The following TMEM47 variants were observed in gnomAD, a reference collection of about 807,000 sequenced individuals.
TMEM47 encodes brain cell membrane protein 1.
TMEM47 carries 3 observed loss-of-function variants against 12.4 expected under a neutral mutation model. The ratio of observed to expected loss-of-function variants is 0.24; its 90% CI spans 0.11 to 0.63. The LOEUF (loss-of-function observed/expected upper bound fraction) is 0.63, where lower values mean the gene tolerates loss of function less well. Among genes scored for constraint, TMEM47 ranks in the 20% least tolerant of loss-of-function variants. The probability of loss-of-function intolerance (pLI) is 0.86; values close to 1 mark genes in which losing one functional copy is unlikely to be tolerated. For synonymous variants in TMEM47, 62 were observed against 63.3 expected (o/e 0.98, Z 0.10); for missense variants, 89 against 143.8 (o/e 0.62, Z 1.95).
At chrX:34,650,579 T>A (rs932751343) in intron 1 of TMEM47, among the ~76,000 whole-genome samples, 1 of 112,238 alleles carries the variant, frequency 8.9e-6, no homozygotes, top group African/African-American at 3.2e-5. Flanking sequence ...AAAATAACTC[T>A]AACTCCAACA....
rs1922129212 is a variant in TMEM47 at position 34,657,169 on chromosome X, C to A, written c.-140G>T. On this transcript the variant is annotated 5_prime_UTR_variant, in exon 1 of 3. Coordinates refer to ENST00000275954, the MANE Select transcript of TMEM47 (RefSeq NM_031442.4). ...TCGCTCCCTCGGGGCTCTGCGCGCC[C>A]CCTGCCGCGCGGCCAAGGTGGGTCT... The A allele has an allele frequency of 2.1e-6, 2 of 949,624 alleles. No homozygotes were observed. The highest frequency in any genetic ancestry group is 2.7e-6 in the Non-Finnish European group (2 of 753,984). The allele number at this position is 949,624 out of a possible 1,213,427, so 78.3% of individuals were successfully genotyped here.
At chrX:34,646,172 C>G (rs1921907511) in intron 1 of TMEM47, among the ~76,000 whole-genome samples, 1 of 110,943 alleles carries the variant, frequency 9.0e-6, no homozygotes, top group Non-Finnish European at 1.9e-5. Context: ...CATTCAAGAT[C>G]TTGGAGTTGT....
intron 1 of TMEM47, among the ~76,000 whole-genome samples, chrX:34,655,118 C>T (rs1922081579): frequency 9.0e-6 from 1 of 111,350 alleles, no homozygotes; most frequent in Middle Eastern, 4.2e-3. Context: ...ACATTCCTGG[C>T]CAAGAAAAAA....
rs1456658055 is a variant in TMEM47 at position 34,627,743 on chromosome X, G to C, written c.*2570C>G. The C allele has an allele frequency of 9.0e-6, 1 of 111,719 alleles. No individual in the cohort carries two copies. The allele number at this position is 111,719 out of a possible 1,213,427, so 9.2% of individuals were successfully genotyped here. A position where few individuals can be genotyped will look rare whatever the true frequency, so the allele number is the denominator to read the frequency against. ...TCCATAGATATCTATCTAACAATGGGTTTGTGGCTAAAAATTATGCTTAAG... is the reference window on the plus strand; with the variant it reads ...TCCATAGATATCTATCTAACAATGGCTTTGTGGCTAAAAATTATGCTTAAG... On this transcript the variant is annotated 3_prime_UTR_variant, in exon 3 of 3. Coordinates refer to ENST00000275954, the MANE Select transcript of TMEM47 (RefSeq NM_031442.4).
Position 34,657,074 on chromosome X carries a change from A to G in TMEM47, c.-45T>C, listed in dbSNP as rs759704487. The G allele has an allele frequency of 6.3e-6, 7 of 1,104,124 alleles. No individual in the cohort carries two copies. In the Admixed American group the frequency reaches 9.6e-5, roughly 15 times the overall value. The allele number at this position is 1,104,124 out of a possible 1,213,427, so 91.0% of individuals were successfully genotyped here. On this transcript the variant is annotated 5_prime_UTR_variant, in exon 1 of 3. Transcript: ENST00000275954. ...CCGCCCCGCCGCAGGCGAGGACGCCAGGCGGGTCCGGAGAGCCGGGAGCCG... is the reference window on the plus strand; with the variant it reads ...CCGCCCCGCCGCAGGCGAGGACGCCGGGCGGGTCCGGAGAGCCGGGAGCCG...
chrX:34,655,351 T>A (rs188214947), intron 1 of TMEM47, among the ~76,000 whole-genome samples: 59 of 111,451 alleles, frequency 5.3e-4, no homozygotes, highest in African/African-American at 1.6e-3. Context: ...ATCCCCTGGT[T>A]ACCGAAGAAA....
intron 1 of TMEM47, among the ~76,000 whole-genome samples, chrX:34,649,543 T>C: frequency 9.1e-6 from 1 of 110,327 alleles, no homozygotes; most frequent in East Asian, 2.9e-4. Flanking sequence ...CACTGGGGTC[T>C]ACTTGAGGGT....
intron 1 of TMEM47, among the ~76,000 whole-genome samples, chrX:34,651,372 G>T (rs1289379024): frequency 8.9e-6 from 1 of 111,818 alleles, no homozygotes; most frequent in East Asian, 2.8e-4. Context: ...TCACAGCTTT[G>T]CCCAGTATCT....
intron 2 of TMEM47, among the ~76,000 whole-genome samples, chrX:34,637,931 C>T (rs772226946): frequency 3.5e-4 from 38 of 110,029 alleles, no homozygotes; most frequent in African/African-American, 1.2e-3. Flanking sequence ...GGTGTGCTGT[C>T]GGCTCACTGC....
At chrX:34,639,152 T>C in intron 2 of TMEM47, 95 bp downstream of exon 2, 5 of 1,000,210 alleles carry the variant, frequency 5.0e-6, no homozygotes, top group Non-Finnish European at 6.6e-6. Flanking sequence ...TTTTACGTAA[T>C]GCAGCAAACA....
chrX:34,652,032 C>A (rs1451953784), intron 1 of TMEM47, among the ~76,000 whole-genome samples: 1 of 111,918 alleles, frequency 8.9e-6, no homozygotes, highest in Non-Finnish European at 1.9e-5. Flanking sequence ...TATATTTAAT[C>A]TTTATGATAA....
intron 2 of TMEM47, among the ~76,000 whole-genome samples, chrX:34,635,782 T>G (rs6632037): frequency 0.24 from 26,330 of 110,526 alleles, 2,709 homozygotes; most frequent in East Asian, 0.63. Context: ...GACGTTCCAT[T>G]TAGGGAAAAG....
At chrX:34,640,550 C>G (rs1267984988) in intron 1 of TMEM47, among the ~76,000 whole-genome samples, 2 of 111,156 alleles carry the variant, frequency 1.8e-5, no homozygotes, top group East Asian at 2.8e-4. Flanking sequence ...TTTAAAAGCC[C>G]CAAGCGCCTC....
chrX:34,653,845 T>G (rs1450699655), intron 1 of TMEM47, among the ~76,000 whole-genome samples: 1 of 111,471 alleles, frequency 9.0e-6, no homozygotes, highest in Non-Finnish European at 1.9e-5. Flanking sequence ...CTAAACTTCC[T>G]AACAAGCACA....
At chrX:34,655,792 AAGAG>A (rs200249272) in intron 1 of TMEM47, among the ~76,000 whole-genome samples, 2 of 108,792 alleles carry the variant, frequency 1.8e-5, no homozygotes, top group Non-Finnish European at 3.8e-5. Flanking sequence ...GAGAGAGAGA[AAGAG>A]AGAGAAAGAA....
chrX:34,640,148 T>G (rs1439643578), intron 1 of TMEM47, among the ~76,000 whole-genome samples: 1 of 112,017 alleles, frequency 8.9e-6, no homozygotes, highest in Non-Finnish European at 1.9e-5. Flanking sequence ...TCTTTTTTAT[T>G]TGATTCTAGT....
At chrX:34,642,971 C>T (rs184432608) in intron 1 of TMEM47, among the ~76,000 whole-genome samples, 202 of 111,569 alleles carry the variant, frequency 1.8e-3, no homozygotes, top group Middle Eastern at 9.3e-3. Context: ...AAAAGTGGTT[C>T]GATATGGCTA....
Position 34,657,115 on chromosome X carries a change from G to T in TMEM47, c.-86C>A. 9.5e-7 allele frequency: 1 copy of T among 1,055,109 alleles called. No homozygotes were observed. The allele number at this position is 1,055,109 out of a possible 1,213,427, so 87.0% of individuals were successfully genotyped here. On this transcript the variant is annotated 5_prime_UTR_variant, in exon 1 of 3. Transcript: ENST00000275954. ...CCGGGAGCCGGACCTCCCGAAGGGAGAAGCCGCCGAGCTGCCACGCGCGGG... is the reference window on the plus strand; with the variant it reads ...CCGGGAGCCGGACCTCCCGAAGGGATAAGCCGCCGAGCTGCCACGCGCGGG...
intron 1 of TMEM47, among the ~76,000 whole-genome samples, chrX:34,648,846 C>T (rs1316723666): frequency 1.8e-5 from 2 of 111,684 alleles, no homozygotes; most frequent in Non-Finnish European, 3.8e-5. Flanking sequence ...AATGAATTTA[C>T]AAGAGAAAAA....
Sources: gnomAD v4.1 joint callset for allele counts (sites outside exome capture counted in the v4.1 genomes callset) on GRCh38, gnomAD v4.1.1 for gene constraint, MANE v1.5 for transcripts, NCBI Gene and HGNC (gene_info 2026-07-23, HGNC 2026-07-21) for gene names.